CD36: variants seen among roughly 807,000 people sequenced by gnomAD.
The protein encoded by CD36 is platelet glycoprotein 4.
A neutral mutation model predicts 55.2 loss-of-function variants in CD36; 119 were observed. The ratio of observed to expected loss-of-function variants is 2.15; its 90% CI spans 1.86 to 2.51. The LOEUF is 2.51. Ranked by LOEUF, CD36 falls within the 30% of genes most tolerant of loss-of-function variation. The pLI is 0.00. For synonymous variants in CD36, 186 were observed against 193.6 expected (o/e 0.96, Z 0.33); for missense variants, 819 against 555.5 (o/e 1.47, Z -4.77).
At chr7:80,603,007 A>C (rs946904250) in intron 1 of CD36, among the ~76,000 whole-genome samples, 1 of 152,156 alleles carries the variant, frequency 6.6e-6, no homozygotes, top group Non-Finnish European at 1.5e-5. Context: ...TATACATAAA[A>C]CTTACTAATC....
intron 9 of CD36, 67 bp from the exon 10 acceptor site, chr7:80,670,910 G>T: frequency 9.1e-7 from 1 of 1,096,260 alleles, no homozygotes; most frequent in East Asian, 2.4e-5. Flanking sequence ...ACAAGAATAA[G>T]AAAAAATGAA....
In CD36 at chr7:80,662,985, T is replaced by C. The variant is rs1266581304; in HGVS notation, c.430-5T>C. ...TTGTCTTAAACAGTGACTTTGTTTT[T>C]GTAGGCTGCATCCCATATCTATCAA... On this transcript the variant is annotated splice_region_variant and splice_polypyrimidine_tract_variant and intron_variant, in intron 5 of 14. Coordinates refer to ENST00000447544, the MANE Select transcript of CD36 (RefSeq NM_001001548.3). 2 of 1,608,332 alleles carry C rather than the reference T, an allele frequency of 1.2e-6. No homozygotes were observed.
chr7:80,626,514 T>C (rs1793747344), intron 1 of CD36, among the ~76,000 whole-genome samples: 1 of 152,094 alleles, frequency 6.6e-6, no homozygotes, highest in African/African-American at 2.4e-5. Flanking sequence ...CTATTATCTA[T>C]GTGCCAATAA....
chr7:80,671,243 T>C, intron 10 of CD36, 79 bp downstream of exon 10: 1 of 917,810 alleles, frequency 1.1e-6, no homozygotes, highest in South Asian at 1.5e-5. Context: ...CCATAATCCT[T>C]TAGCAACCAA....
chr7:80,604,079 C>G (rs549601693), intron 1 of CD36, among the ~76,000 whole-genome samples: 26 of 151,974 alleles, frequency 1.7e-4, no homozygotes, highest in Non-Finnish European at 2.9e-4. Flanking sequence ...GTGCAACGCG[C>G]TTCACAACAG....
At chr7:80,626,700 C>T (rs905901191) in intron 1 of CD36, among the ~76,000 whole-genome samples, 1 of 151,986 alleles carries the variant, frequency 6.6e-6, no homozygotes, top group African/African-American at 2.4e-5. Context: ...TAATCTGATA[C>T]ACAAATGTAT....
chr7:80,659,222 T>A (rs1796332218), intron 4 of CD36, among the ~76,000 whole-genome samples: 3 of 152,166 alleles, frequency 2.0e-5, no homozygotes, highest in Non-Finnish European at 2.9e-5. Flanking sequence ...CATAACTAAT[T>A]ATACCCTAAA....
At chr7:80,618,429 T>TA (rs1276313816) in intron 1 of CD36, among the ~76,000 whole-genome samples, 1 of 152,050 alleles carries the variant, frequency 6.6e-6, no homozygotes, top group Admixed American at 6.6e-5. Context: ...TCTCTTTAAA[T>TA]AAAAAAACTA....
chr7:80,673,360 T>C lies in CD36; in HGVS notation c.1205T>C (p.Leu402Ser), dbSNP rs756060593. Residue 402 changes from leucine (L) to serine (S), a missense_variant, in exon 13 of 15, where the codon TTA becomes TCA. By Grantham distance (145) the Leu-to-Ser change is moderately radical. Coordinates refer to ENST00000447544, the MANE Select transcript of CD36 (RefSeq NM_001001548.3). ...LVKPSEKIQV[L>S]KNLKRNYIVP... ...ATTTTCAACGTATATTACAGAGTAT[T>C]AAAGAATCTGAAGAGGAACTATATT... 2.4e-5 allele frequency: 35 copies of C among 1,455,614 alleles called. No homozygotes were observed. The highest frequency in any genetic ancestry group is 3.2e-5 in the Non-Finnish European group (33 of 1,037,194). 90.2% of individuals were successfully genotyped at this position (1,455,614 alleles called of 1,614,324 possible).
chr7:80,640,268 TCTAA>T (rs941511773), intron 1 of CD36, among the ~76,000 whole-genome samples: 16 of 152,010 alleles, frequency 1.1e-4, no homozygotes, highest in South Asian at 2.1e-4. Flanking sequence ...TTCATTATAA[TCTAA>T]CTATTTTGCA....
exon 1 of CD36, chr7:80,602,283 C>T (rs142242945): frequency 2.0e-5 from 3 of 152,214 alleles, no homozygotes; most frequent in East Asian, 1.9e-4. Flanking sequence ...GCTGCTATGC[C>T]GTGGAAATCC....
intron 1 of CD36, among the ~76,000 whole-genome samples, chr7:80,632,960 A>C (rs1013507794): frequency 2.6e-5 from 4 of 151,966 alleles, no homozygotes; most frequent in Non-Finnish European, 5.9e-5. Flanking sequence ...CGTTTAAAAA[A>C]CTAGGTGCTC....
rs1191291146 is a variant in CD36, at chr7:80,644,568, TATC to T, written c.-183-1517_-183-1515del. Among the ~76,000 whole-genome samples the T allele has an allele frequency of 2.0e-5, 3 of 152,222 alleles. No homozygotes were observed. In the East Asian group the frequency reaches 5.8e-4, roughly 29 times the overall value. ...TTTATTCCTACATTTTGGGGGAAAA[TATC>T]ATTTTCTTATTCTTTTCTTAGCTCT... On this transcript the variant is annotated intron_variant, in intron 1 of 14. Coordinates refer to ENST00000447544, the MANE Select transcript of CD36 (RefSeq NM_001001548.3).
At chr7:80,614,727 G>A (rs915059141) in intron 1 of CD36, among the ~76,000 whole-genome samples, 5 of 152,084 alleles carry the variant, frequency 3.3e-5, no homozygotes, top group Non-Finnish European at 2.9e-5. Context: ...AGTTTATAAT[G>A]TGAAGTGGGA....
Position 80,671,926 on chromosome 7 carries a change from A to G in CD36, c.1011A>G (p.Arg337=), listed in dbSNP as rs775556521. The change falls in exon 11 of 15, where the codon AGA becomes AGG. Residue 337 remains arginine (R), a synonymous_variant. Transcript: ENST00000447544. ...VLDISKCKEG[R]PVYISLPHFL... Reference sequence around the variant, plus strand: ...ACTCTTAAAACTTGTCTTCAGGGAGACCTGTGTACATTTCACTTCCTCATT... The same window carrying G: ...ACTCTTAAAACTTGTCTTCAGGGAGGCCTGTGTACATTTCACTTCCTCATT... 6.2e-7 allele frequency: 1 copy of G among 1,611,152 alleles called. No individual in the cohort carries two copies. Among genetic ancestry groups the G allele is most frequent in the Non-Finnish European group, 8.5e-7 (1 of 1,178,076 alleles).
intron 4 of CD36, among the ~76,000 whole-genome samples, chr7:80,660,793 T>C (rs1796454378): frequency 6.6e-6 from 1 of 152,210 alleles, no homozygotes. Context: ...AATCTGGATC[T>C]GGATCTGTTT....
At chr7:80,642,556 T>C (rs1436736070) in intron 1 of CD36, among the ~76,000 whole-genome samples, 1 of 152,154 alleles carries the variant, frequency 6.6e-6, no homozygotes, top group East Asian at 1.9e-4. Flanking sequence ...CTCAGGTGAA[T>C]AAAACTAATT....
upstream of CD36, among the ~76,000 whole-genome samples, chr7:80,637,976 T>C (rs2116244267): frequency 6.6e-6 from 1 of 152,088 alleles, no homozygotes; most frequent in East Asian, 1.9e-4. Flanking sequence ...CTTAGACATA[T>C]TTTGGTTGAA....
chr7:80,672,101 AAAT>A (rs1218393714), intron 11 of CD36, 61 bp downstream of exon 11: 12 of 1,289,334 alleles, frequency 9.3e-6, no homozygotes, highest in African/African-American at 5.9e-5. Flanking sequence ...ATTGAAATAA[AAAT>A]AATCTTGTCG....
Sources: gnomAD v4.1 joint callset for allele counts (sites outside exome capture counted in the v4.1 genomes callset) on GRCh38, gnomAD v4.1.1 for gene constraint, MANE v1.5 for transcripts, NCBI Gene and HGNC (gene_info 2026-07-23, HGNC 2026-07-21) for gene names.